The following MBD5 variants were observed in gnomAD, a reference collection of about 807,000 sequenced individuals.
MBD5 encodes methyl-CpG-binding domain protein 5.
In MBD5, 13 loss-of-function variants were observed where a neutral mutation model predicts 117.3. That is an observed-to-expected ratio of 0.11 (90% CI 0.07 to 0.18). The LOEUF is 0.18. Among genes scored for constraint, MBD5 ranks in the 10% least tolerant of loss-of-function variants. MBD5 has a pLI of 1.00. For missense variants in MBD5, 1,879 were observed against 2,093.8 expected (o/e 0.90, Z 2.00); for synonymous variants, 727 against 766.4 (o/e 0.95, Z 0.85).
intron 4 of MBD5, among the ~76,000 whole-genome samples, chr2:148,443,259 A>G (rs1330470453): frequency 1.3e-5 from 2 of 150,992 alleles, no homozygotes; most frequent in Non-Finnish European, 2.9e-5. Context: ...TGGTGATGAT[A>G]TGGAGAAAAG....
chr2:148,145,530 T>C (rs1697434713), intron 1 of MBD5, among the ~76,000 whole-genome samples: 1 of 152,200 alleles, frequency 6.6e-6, no homozygotes, highest in South Asian at 2.1e-4. Context: ...TTGTGCCTGT[T>C]TTCAAAGGGA....
rs182064985 is a variant in MBD5 at position 148,345,592 on chromosome 2, C to T, written c.-557+3256C>T. 2.4e-3 allele frequency among the ~76,000 whole-genome samples: 185 copies of T among 76,556 alleles called. 8 individuals carry two copies. Among genetic ancestry groups the T allele is most frequent in the African/African-American group, 0.01 (159 of 15,748 alleles). 50.2% of individuals were successfully genotyped at this position (76,556 alleles called of 152,430 possible). A position where few individuals can be genotyped will look rare whatever the true frequency, so the allele number is the denominator to read the frequency against. On this transcript the variant is annotated intron_variant, in intron 4 of 13. Transcript: ENST00000642680. Reference sequence around the variant, plus strand: ...GTATACACATACATATGTATATACACGTATACACATACATATGTATATACA... The same window carrying T: ...GTATACACATACATATGTATATACATGTATACACATACATATGTATATACA...
At chr2:148,460,836 T>C (rs2105554418) in intron 5 of MBD5, among the ~76,000 whole-genome samples, 1 of 152,344 alleles carries the variant, frequency 6.6e-6, no homozygotes, top group South Asian at 2.1e-4. Flanking sequence ...TCCTCTAGGA[T>C]TCCGTCCATA....
intron 4 of MBD5, among the ~76,000 whole-genome samples, chr2:148,452,803 A>T (rs1574440379): frequency 1.3e-5 from 2 of 152,168 alleles, no homozygotes; most frequent in South Asian, 4.1e-4. Flanking sequence ...ACACTTTTTG[A>T]ACACAGAAAT....
At chr2:148,385,832 C>T (rs1403845176) in intron 4 of MBD5, among the ~76,000 whole-genome samples, 1 of 151,194 alleles carries the variant, frequency 6.6e-6, no homozygotes, top group East Asian at 1.9e-4. Context: ...AAGCTGGAAA[C>T]CATCATTCTC....
chr2:148,171,720 C>T lies in MBD5; in HGVS notation c.-924-6980C>T, dbSNP rs115574494. ...AACATGATCTTATGTATAAAAAACC[C>T]TACAGATTCTACCAAAAAACTATTA... On this transcript the variant is annotated intron_variant, in intron 1 of 13. Transcript: ENST00000642680. Among the ~76,000 whole-genome samples the T allele has an allele frequency of 7.4e-3, 1,127 of 152,202 alleles. 12 individuals carry two copies. Among genetic ancestry groups the T allele is most frequent in the African/African-American group, 0.025 (1,051 of 41,532 alleles).
chr2:148,465,082 T>C (rs1304240679), intron 7 of MBD5, among the ~76,000 whole-genome samples: 2 of 152,208 alleles, frequency 1.3e-5, no homozygotes, highest in Non-Finnish European at 2.9e-5. Flanking sequence ...TTTTCAATTT[T>C]TCATGACATT....
In MBD5 at chr2:148,483,664, T is replaced by C; in HGVS notation, c.3073T>C (p.Ser1025Pro). The change falls in exon 9 of 14, where the codon TCA becomes CCA. Residue 1025 changes from serine (S) to proline (P), a missense_variant. By Grantham distance (74) the Ser-to-Pro change is moderately conservative. Around this residue, in one of 4 missense-constraint regions of MBD5, gnomAD observed 1,666 missense variants for 1,792.2 expected, o/e 0.93. Transcript: ENST00000642680. Reference protein sequence around the residue: ...LLQQQNTPLPSLTQMTAPPDH... With the variant: ...LLQQQNTPLPPLTQMTAPPDH... ...GCAACAGCAAAATACCCCTTTACCC[T>C]CATTAACACAGATGACAGCCCCACC... 1 of 1,550,714 alleles carries C rather than the reference T, an allele frequency of 6.4e-7. No individual in the cohort carries two copies. Among genetic ancestry groups the C allele is most frequent in the Non-Finnish European group, 8.7e-7 (1 of 1,147,024 alleles).
chr2:148,138,611 A>G (rs940486436), intron 1 of MBD5, among the ~76,000 whole-genome samples: 1 of 152,212 alleles, frequency 6.6e-6, no homozygotes, highest in Non-Finnish European at 1.5e-5. Context: ...GAGATTGGGA[A>G]GCTATTATAC....
At chr2:148,433,302 AG>A (rs772482532) in intron 4 of MBD5, among the ~76,000 whole-genome samples, 14 of 152,172 alleles carry the variant, frequency 9.2e-5, no homozygotes, top group Non-Finnish European at 1.8e-4. Flanking sequence ...ATCTGCAAAC[AG>A]GGGTAGTTTG....
intron 2 of MBD5, among the ~76,000 whole-genome samples, chr2:148,204,782 T>C (rs1377493031): frequency 1.3e-5 from 2 of 152,154 alleles, no homozygotes; most frequent in African/African-American, 4.8e-5. Context: ...AGTTTTGAAC[T>C]CAAGAAATAC....
At chr2:148,285,670 A>T (rs1701352247) in intron 3 of MBD5, among the ~76,000 whole-genome samples, 1 of 152,218 alleles carries the variant, frequency 6.6e-6, no homozygotes, top group African/African-American at 2.4e-5. Context: ...TCTGAGAATA[A>T]TATGCCCATA....
chr2:148,148,879 A>G (rs981390576), intron 1 of MBD5, among the ~76,000 whole-genome samples: 9 of 152,178 alleles, frequency 5.9e-5, no homozygotes, highest in Admixed American at 3.3e-4. Context: ...CTTGTGGGCA[A>G]CACTGTACAG....
At chr2:148,025,879 CTA>C (rs1693877440) in intron 1 of MBD5, 1 of 152,108 alleles carries the variant, frequency 6.6e-6, no homozygotes, top group African/African-American at 2.4e-5. Flanking sequence ...GGTATAATCT[CTA>C]TAGCTTTAGT....
At chr2:148,268,937 C>T (rs1700919614) in intron 3 of MBD5, among the ~76,000 whole-genome samples, 1 of 151,796 alleles carries the variant, frequency 6.6e-6, no homozygotes, top group Admixed American at 6.6e-5. Context: ...ATGCCTAGTA[C>T]AATGCTTGGC....
intron 1 of MBD5, among the ~76,000 whole-genome samples, chr2:148,135,736 A>C (rs909735756): frequency 2.8e-4 from 43 of 152,106 alleles, no homozygotes; most frequent in Non-Finnish European, 3.8e-4. Flanking sequence ...CTTATTCACA[A>C]CTTCTTGAGG....
chr2:148,345,366 T>C (rs1024922444), intron 4 of MBD5, among the ~76,000 whole-genome samples: 8 of 145,786 alleles, frequency 5.5e-5, no homozygotes, highest in African/African-American at 1.7e-4. Flanking sequence ...TATACACATA[T>C]ACATATACAC....
chr2:148,294,626 C>T (rs892721765), intron 3 of MBD5, among the ~76,000 whole-genome samples: 1 of 151,468 alleles, frequency 6.6e-6, no homozygotes, highest in African/African-American at 2.4e-5. Context: ...CCTCAGCCTC[C>T]CGAGTAGCTG....
intron 1 of MBD5, among the ~76,000 whole-genome samples, chr2:148,037,510 T>C (rs1694226976): frequency 6.6e-6 from 1 of 151,380 alleles, no homozygotes; most frequent in Non-Finnish European, 1.5e-5. Context: ...GTGAAAAATA[T>C]TATTATCTTT....
Sources: gnomAD v4.1 joint callset for allele counts (sites outside exome capture counted in the v4.1 genomes callset) on GRCh38, gnomAD v4.1.1 for gene constraint, gnomAD v4.1.1 regional missense constraint, MANE v1.5 for transcripts, NCBI Gene and HGNC (gene_info 2026-07-23, HGNC 2026-07-21) for gene names.